Variants in GOLPH3 observed in about 807,000 individuals in gnomAD.
GOLPH3 encodes coat protein GPP34.
A neutral mutation model predicts 28.5 loss-of-function variants in GOLPH3; 14 were observed. That is an observed-to-expected ratio of 0.49 (90% CI 0.32 to 0.77). The LOEUF (loss-of-function observed/expected upper bound fraction) is 0.77. Ranked by LOEUF, GOLPH3 falls within the 30% of genes least tolerant of loss-of-function variation. GOLPH3 has a pLI of 0.03. For synonymous variants in GOLPH3, 158 were observed against 159.2 expected (o/e 0.99, Z 0.06); for missense variants, 350 against 393.7 (o/e 0.89, Z 0.94).
chr5:32,135,796 C>T, intron 2 of GOLPH3, 110 bp from the exon 3 acceptor site: 1 of 662,128 alleles, frequency 1.5e-6, no homozygotes, highest in South Asian at 1.9e-5. Flanking sequence ...CTTAAAGCCT[C>T]AAGCTTTCAT....
rs549926721 is a variant in GOLPH3 at position 32,161,894 on chromosome 5, A to G, written c.225+11916T>C. On this transcript the variant is annotated intron_variant, in intron 1 of 3. Coordinates refer to ENST00000265070, the MANE Select transcript of GOLPH3 (RefSeq NM_022130.4). ...TACAAAAAATTAGCAGGGCATGGTG[A>G]CGGGCGCCTGTAGTCCTAGCTACTC... Among the ~76,000 whole-genome samples, 661 of 150,694 alleles carry G rather than the reference A, an allele frequency of 4.4e-3. 7 individuals are homozygous for G. The highest frequency in any genetic ancestry group is 4.3e-3 in the Admixed American group (66 of 15,204).
chr5:32,169,884 G>A (rs1390769430), intron 1 of GOLPH3, among the ~76,000 whole-genome samples: 3 of 151,058 alleles, frequency 2.0e-5, no homozygotes, highest in Admixed American at 1.3e-4. Context: ...CTTCTGAGGG[G>A]ACTAGCCATC....
chr5:32,161,799 G>A (rs999640760), intron 1 of GOLPH3, among the ~76,000 whole-genome samples: 4 of 150,938 alleles, frequency 2.7e-5, no homozygotes, highest in African/African-American at 5.0e-5. Context: ...AGGCAGAGGC[G>A]GGCGGACCAC....
rs112787677 is a variant in GOLPH3, at chr5:32,152,084, A to T, written c.226-8204T>A. On this transcript the variant is annotated intron_variant, in intron 1 of 3. Transcript: ENST00000265070. ...TTAATGCCACTAAACTGTACCACTT[A>T]AAAATGTTTTAAATGGTACACTTGA... Among the ~76,000 whole-genome samples the T allele has an allele frequency of 2.0e-5, 3 of 152,224 alleles. No homozygotes were observed. The South Asian group carries it at 6.2e-4, about 32-fold the overall frequency.
chr5:32,125,195 T>C lies in GOLPH3; in HGVS notation c.*1017A>G, dbSNP rs1211633089. The C allele has an allele frequency of 1.3e-5, 2 of 152,532 alleles. No individual in the cohort carries two copies. The highest frequency in any genetic ancestry group is 6.6e-5 in the Admixed American group (1 of 15,262). 9.4% of individuals were successfully genotyped at this position (152,532 alleles called of 1,614,324 possible). ...CCCCAAGAATGTGTGAGTAGATAAA[T>C]GACATTTCAGAGCAGATATTAATTT... On this transcript the variant is annotated 3_prime_UTR_variant, in exon 4 of 4. Transcript: ENST00000265070.
intron 1 of GOLPH3, among the ~76,000 whole-genome samples, chr5:32,172,730 G>C (rs1279870771): frequency 6.6e-6 from 1 of 151,678 alleles, no homozygotes; most frequent in African/African-American, 2.4e-5. Flanking sequence ...AAATTAGCCG[G>C]GCATGGTGGC....
chr5:32,165,655 C>T lies in GOLPH3; in HGVS notation c.225+8155G>A, dbSNP rs1433020498. 2.6e-5 allele frequency among the ~76,000 whole-genome samples: 4 copies of T among 152,122 alleles called. No individual in the cohort carries two copies. The East Asian group carries it at 7.7e-4, about 29-fold the overall frequency. ...GTAGTTTACTATATGAGCTTTGACA[C>T]ACAGAACTAAAATGAATGAACTTGA... is the stretch of plus-strand genomic sequence containing the variant. On this transcript the variant is annotated intron_variant, in intron 1 of 3. Coordinates refer to ENST00000265070, the MANE Select transcript of GOLPH3 (RefSeq NM_022130.4).
In GOLPH3 at chr5:32,174,277, C is replaced by G. The variant is rs576169475; in HGVS notation, c.-243G>C. ...CCTGTGGCCGCAGTCCCCGAAACAC[C>G]CCGAGCTCCAAGGCGGAGGCGGCGG... On this transcript the variant is annotated 5_prime_UTR_variant, in exon 1 of 4. Transcript: ENST00000265070. 5.7e-6 allele frequency: 2 copies of G among 350,482 alleles called. No homozygotes were observed. Among genetic ancestry groups the G allele is most frequent in the African/African-American group, 2.1e-5 (1 of 47,116 alleles). 21.7% of individuals were successfully genotyped at this position (350,482 alleles called of 1,614,324 possible).
chr5:32,174,007 C>A lies in GOLPH3; in HGVS notation c.28G>T (p.Gly10Cys). 7.6e-7 allele frequency: 1 copy of A among 1,321,746 alleles called. No individual in the cohort carries two copies. The highest frequency in any genetic ancestry group is 3.1e-5 in the East Asian group (1 of 32,122). The allele number at this position is 1,321,746 out of a possible 1,614,324, so 81.9% of individuals were successfully genotyped here. A position where few individuals can be genotyped will look rare whatever the true frequency, so the allele number is the denominator to read the frequency against. The change falls in exon 1 of 4, where the codon GGC becomes TGC. Residue 10 changes from glycine (G) to cysteine (C), a missense_variant. By Grantham distance (159) the Gly-to-Cys change is radical. Coordinates refer to ENST00000265070, the MANE Select transcript of GOLPH3 (RefSeq NM_022130.4). MTSLTQRSS[G>C]LVQRRTEASR... ...GCCTCGGTGCGCCGCTGCACCAGGC[C>A]GGAGCTGCGCTGGGTCAGCGAGGTC...
At chr5:32,143,157 C>T (rs1035508185) in intron 2 of GOLPH3, among the ~76,000 whole-genome samples, 8 of 152,198 alleles carry the variant, frequency 5.3e-5, no homozygotes, top group African/African-American at 1.9e-4. Flanking sequence ...TTAAACCCAA[C>T]CCTGTGCTCT....
At chr5:32,173,365 C>G (rs1746890844) in intron 1 of GOLPH3, among the ~76,000 whole-genome samples, 1 of 151,724 alleles carries the variant, frequency 6.6e-6, no homozygotes, top group Non-Finnish European at 1.5e-5. Context: ...ACATCCCCAG[C>G]AAGCAGATCC....
At chr5:32,157,781 C>T (rs914415683) in intron 1 of GOLPH3, among the ~76,000 whole-genome samples, 1 of 151,940 alleles carries the variant, frequency 6.6e-6, no homozygotes, top group Admixed American at 6.6e-5. Flanking sequence ...GATTTGAGAC[C>T]AGCCTGACCA....
At chr5:32,127,468 T>G (rs1462548541) in intron 3 of GOLPH3, among the ~76,000 whole-genome samples, 1 of 152,232 alleles carries the variant, frequency 6.6e-6, no homozygotes. Context: ...GTCGAGATTT[T>G]CTAATACTGA....
intron 1 of GOLPH3, among the ~76,000 whole-genome samples, chr5:32,149,278 T>C (rs1336227921): frequency 6.6e-6 from 1 of 152,216 alleles, no homozygotes; most frequent in Non-Finnish European, 1.5e-5. Flanking sequence ...ATACACGGAA[T>C]AGCATGTTTG....
chr5:32,150,320 C>T (rs1561672214), intron 1 of GOLPH3, among the ~76,000 whole-genome samples: 1 of 151,162 alleles, frequency 6.6e-6, no homozygotes, highest in African/African-American at 2.4e-5. Flanking sequence ...AAAGTCTCAG[C>T]ATTATTATTA....
chr5:32,161,643 A>G (rs1006297160), intron 1 of GOLPH3, among the ~76,000 whole-genome samples: 1 of 151,246 alleles, frequency 6.6e-6, no homozygotes. Context: ...GAGGCTACTG[A>G]TACGTCTGGA....
chr5:32,168,828 C>G (rs200619572), intron 1 of GOLPH3, among the ~76,000 whole-genome samples: 1 of 152,088 alleles, frequency 6.6e-6, no homozygotes, highest in African/African-American at 2.4e-5. Flanking sequence ...ATCCTAGAGC[C>G]GGTCGCAGTA....
intron 2 of GOLPH3, among the ~76,000 whole-genome samples, chr5:32,140,236 G>A (rs1214305199): frequency 6.6e-6 from 1 of 151,988 alleles, no homozygotes; most frequent in East Asian, 1.9e-4. Context: ...CGGCACAGTG[G>A]CTCACGTCTG....
intron 2 of GOLPH3, among the ~76,000 whole-genome samples, chr5:32,142,313 A>G (rs894538882): frequency 1.2e-4 from 18 of 148,650 alleles, no homozygotes; most frequent in African/African-American, 3.8e-4. Flanking sequence ...AGAAATGAGG[A>G]GACCCTCTGC....
Sources: gnomAD v4.1 joint callset for allele counts (sites outside exome capture counted in the v4.1 genomes callset) on GRCh38, gnomAD v4.1.1 for gene constraint, MANE v1.5 for transcripts, NCBI Gene and HGNC (gene_info 2026-07-23, HGNC 2026-07-21) for gene names.